Variants in SERPINB8 observed in about 807,000 individuals in gnomAD.
SERPINB8 encodes the protein serpin B8.
SERPINB8 carries 25 observed loss-of-function variants against 35.3 expected under a neutral mutation model. The observed-to-expected ratio is 0.71, with a 90% CI of 0.52 to 0.99. The LOEUF (loss-of-function observed/expected upper bound fraction) is 0.99, where lower values mean the gene tolerates loss of function less well. Ranked by LOEUF, SERPINB8 falls within the 50% of genes least tolerant of loss-of-function variation. The probability of loss-of-function intolerance (pLI) is 0.00; values close to 1 mark genes in which losing one functional copy is unlikely to be tolerated. For missense variants in SERPINB8, 484 were observed against 446.5 expected (o/e 1.08, Z -0.76); for synonymous variants, 186 against 160.8 (o/e 1.16, Z -1.19).
At chr18:63,984,790 A>T (rs1345782389) in intron 5 of SERPINB8, among the ~76,000 whole-genome samples, 1 of 152,224 alleles carries the variant, frequency 6.6e-6, no homozygotes, top group African/African-American at 2.4e-5. Context: ...CTTCCATGAG[A>T]AAGCTTCTCT....
downstream of SERPINB8, among the ~76,000 whole-genome samples, chr18:64,007,677 T>A (rs1299270922): frequency 6.6e-6 from 1 of 152,188 alleles, no homozygotes; most frequent in East Asian, 1.9e-4. Context: ...ATGTCTTACA[T>A]GGTTGGAGCA....
intron 6 of SERPINB8, among the ~76,000 whole-genome samples, 179 bp downstream of exon 6, chr18:63,985,424 A>G (rs7240800): frequency 0.02 from 2,991 of 152,308 alleles, 70 homozygotes; most frequent in East Asian, 0.086. Flanking sequence ...GAGTGTATAC[A>G]TATATGAGTG....
At chr18:64,000,536 C>T (rs922962248) in intron 1 of SERPINB8, among the ~76,000 whole-genome samples, 9 of 152,122 alleles carry the variant, frequency 5.9e-5, no homozygotes, top group South Asian at 2.1e-4. Flanking sequence ...TTTGTGATCT[C>T]GGGAGGGAGG....
At chr18:64,016,292 CA>C (rs1444933765) in intron 7 of SERPINB8, among the ~76,000 whole-genome samples, 1 of 152,182 alleles carries the variant, frequency 6.6e-6, no homozygotes, top group African/African-American at 2.4e-5. Context: ...CCGTTTTTCC[CA>C]AATCCCAAAT....
In SERPINB8 at chr18:63,985,093, G is replaced by A. The variant is rs747164970; in HGVS notation, c.568G>A (p.Glu190Lys). The change falls in exon 6 of 7, where the codon GAA becomes AAA. Residue 190 changes from glutamate to lysine, a missense_variant and splice_region_variant. Coordinates refer to ENST00000397985, the MANE Select transcript of SERPINB8 (RefSeq NM_002640.4). ...TRGMLFKTNE[E>K]KKTVQMMFKE... The stretch of plus-strand genomic sequence containing the variant: ...AATCGAACTTTAATTTTTCCGTTAG[G>A]AAAAAAAGACAGTGCAGATGATGTT... The A allele has an allele frequency of 2.5e-6, 4 of 1,612,592 alleles. No homozygotes were observed. Among genetic ancestry groups the A allele is most frequent in the South Asian group, 2.2e-5 (2 of 90,904 alleles).
At chr18:63,991,313 C>T (rs772383458), downstream of SERPINB8, among the ~76,000 whole-genome samples, 6 of 152,290 alleles carry the variant, frequency 3.9e-5, no homozygotes, top group Middle Eastern at 3.4e-3. Context: ...AGAGAATAGA[C>T]ATACTAGCAA....
downstream of SERPINB8, among the ~76,000 whole-genome samples, chr18:63,993,418 T>G (rs2050833976): frequency 6.6e-6 from 1 of 152,218 alleles, no homozygotes; most frequent in Non-Finnish European, 1.5e-5. Context: ...AGATAACATG[T>G]TTTTAATGAC....
intron 1 of SERPINB8, among the ~76,000 whole-genome samples, chr18:64,002,321 C>G (rs892000292): frequency 6.6e-6 from 1 of 152,140 alleles, no homozygotes; most frequent in African/African-American, 2.4e-5. Flanking sequence ...TGGCACACAT[C>G]ATTTTCTTTT....
chr18:63,983,847 T>C (rs1389240675), intron 5 of SERPINB8, 126 bp downstream of exon 5: 11 of 672,538 alleles, frequency 1.6e-5, no homozygotes, highest in Non-Finnish European at 2.1e-5. Context: ...AATTATATTA[T>C]ATTATTTTAT....
chr18:63,986,745 A>G, intron 6 of SERPINB8, 129 bp from the exon 7 acceptor site: 1 of 1,396,908 alleles, frequency 7.2e-7, no homozygotes, highest in African/African-American at 1.4e-5. Context: ...AAAAGAAAAT[A>G]TCTGTAGATT....
intron 3 of SERPINB8, among the ~76,000 whole-genome samples, chr18:63,981,056 A>T (rs2050662997): frequency 6.6e-6 from 1 of 152,204 alleles, no homozygotes; most frequent in Non-Finnish European, 1.5e-5. Context: ...ACATGCATGC[A>T]ATCCACACAC....
At chr18:64,002,575 G>GT (rs1568284575) in intron 1 of SERPINB8, among the ~76,000 whole-genome samples, 1 of 152,160 alleles carries the variant, frequency 6.6e-6, no homozygotes, top group African/African-American at 2.4e-5. Context: ...TTTCAGAATC[G>GT]TTTTGGAGTC....
intron 1 of SERPINB8, among the ~76,000 whole-genome samples, chr18:63,972,527 G>A (rs1285937082): frequency 6.6e-5 from 10 of 152,010 alleles, no homozygotes; most frequent in Non-Finnish European, 1.5e-4. Flanking sequence ...TAGGGTAAAA[G>A]TGCACAATAT....
At chr18:64,014,080 G>A (rs973655305) in intron 7 of SERPINB8, among the ~76,000 whole-genome samples, 5 of 152,120 alleles carry the variant, frequency 3.3e-5, no homozygotes, top group Non-Finnish European at 7.4e-5. Context: ...TAAAATAAAA[G>A]GAGGCAAAAA....
chr18:64,000,384 A>C (rs2050868635), intron 1 of SERPINB8, among the ~76,000 whole-genome samples: 1 of 152,230 alleles, frequency 6.6e-6, no homozygotes, highest in South Asian at 2.1e-4. Context: ...AAGGATCCTG[A>C]AAAATTAAGA....
downstream of SERPINB8, among the ~76,000 whole-genome samples, chr18:64,007,458 C>T (rs114335752): frequency 0.011 from 1,620 of 152,206 alleles, 27 homozygotes; most frequent in African/African-American, 0.037. Context: ...AAAATAAAAG[C>T]GTACTCTTCA....
chr18:63,980,546 G>A lies in SERPINB8; in HGVS notation c.306+608G>A, dbSNP rs552600559. Reference sequence around the variant, plus strand: ...TGCAGCAAGCTTGGCCATCCTATTGGCTGGAGGTTCTGAGAGGACTCCTCT... The same window carrying A: ...TGCAGCAAGCTTGGCCATCCTATTGACTGGAGGTTCTGAGAGGACTCCTCT... On this transcript the variant is annotated intron_variant, in intron 3 of 6. Transcript: ENST00000397985. Among the ~76,000 whole-genome samples the A allele has an allele frequency of 8.5e-5, 13 of 152,262 alleles. No individual in the cohort carries two copies. In the East Asian group the frequency reaches 1.4e-3, roughly 16 times the overall value.
intron 1 of SERPINB8, among the ~76,000 whole-genome samples, chr18:63,995,847 G>A (rs1165385291): frequency 1.5e-4 from 23 of 152,228 alleles, no homozygotes; most frequent in Admixed American, 1.4e-3. Flanking sequence ...CTACAGCTGA[G>A]GAGATGGGAG....
At chr18:63,995,033 G>C (rs2050842477) in intron 1 of SERPINB8, among the ~76,000 whole-genome samples, 1 of 152,184 alleles carries the variant, frequency 6.6e-6, no homozygotes, top group Admixed American at 6.5e-5. Context: ...CTCTGAGCCT[G>C]ATGATTCAAT....
Sources: allele counts gnomAD v4.1 joint callset (sites outside exome capture counted in the v4.1 genomes callset), GRCh38; gene constraint gnomAD v4.1.1; transcripts MANE v1.5; gene names NCBI Gene and HGNC (gene_info 2026-07-23, HGNC 2026-07-21).